The following PRKG1 variants were observed in gnomAD, a reference collection of about 807,000 sequenced individuals.
PRKG1 encodes protein kinase cGMP-dependent 1, also known as cGMP-dependent protein kinase 1.
In PRKG1, 35 loss-of-function variants were observed where a neutral mutation model predicts 88.1. The observed-to-expected ratio is 0.40, with a 90% CI of 0.30 to 0.53. PRKG1 has a LOEUF of 0.53. Ranked by LOEUF, PRKG1 falls within the 20% of genes least tolerant of loss-of-function variation. The pLI is 0.59. For synonymous variants in PRKG1, 303 were observed against 292.5 expected (o/e 1.04, Z -0.37); for missense variants, 540 against 839.8 (o/e 0.64, Z 4.41).
At chr10:51,602,917 A>C (rs1027159331) in intron 3 of PRKG1, among the ~76,000 whole-genome samples, 10 of 151,796 alleles carry the variant, frequency 6.6e-5, no homozygotes, top group East Asian at 1.9e-4. Context: ...CCCTCCCCCC[A>C]AAAAATTTTA....
chr10:51,969,265 C>A (rs1255273284), intron 5 of PRKG1, among the ~76,000 whole-genome samples: 1 of 152,142 alleles, frequency 6.6e-6, no homozygotes, highest in East Asian at 1.9e-4. Context: ...TCTTGTCAAT[C>A]CTGCCTTCAT....
intron 2 of PRKG1, among the ~76,000 whole-genome samples, chr10:51,226,958 G>A (rs900812728): frequency 6.6e-5 from 10 of 152,012 alleles, no homozygotes; most frequent in African/African-American, 1.7e-4. Flanking sequence ...CAAGCCCACC[G>A]ACCACTTGGT....
chr10:51,686,375 A>G (rs1427897702), intron 3 of PRKG1, among the ~76,000 whole-genome samples: 2 of 152,044 alleles, frequency 1.3e-5, no homozygotes, highest in African/African-American at 2.4e-5. Context: ...GCTCCCCCTT[A>G]TAAGTGAGAA....
At chr10:51,489,772 T>A (rs1352508351) in intron 3 of PRKG1, among the ~76,000 whole-genome samples, 1 of 152,046 alleles carries the variant, frequency 6.6e-6, no homozygotes, top group Non-Finnish European at 1.5e-5. Context: ...AATTGGATGA[T>A]GCTTAATAGG....
intron 9 of PRKG1, among the ~76,000 whole-genome samples, chr10:52,212,598 G>A (rs904973517): frequency 2.0e-5 from 3 of 151,466 alleles, no homozygotes. Flanking sequence ...TGGCTGTTGG[G>A]GGGAGAGGGG....
chr10:51,471,954 CCTT>C (rs1226276611), intron 3 of PRKG1, among the ~76,000 whole-genome samples: 3 of 151,814 alleles, frequency 2.0e-5, no homozygotes, highest in African/African-American at 7.3e-5. Flanking sequence ...AATTATTTCT[CCTT>C]AAATTGTTAA....
intron 3 of PRKG1, among the ~76,000 whole-genome samples, chr10:51,529,551 T>C (rs1841964435): frequency 6.6e-6 from 1 of 152,170 alleles, no homozygotes; most frequent in Non-Finnish European, 1.5e-5. Context: ...ATACTTGCCT[T>C]CCTTTCCAAA....
Position 51,205,137 on chromosome 10 carries a change from T to C in PRKG1, c.478+51807T>C, listed in dbSNP as rs1453827359. ...TTTTCATTTTCTTTTCTTTTTTTTT[T>C]TTTTTTTTTTTTTTTTTTTTGAGAC... On this transcript the variant is annotated intron_variant, in intron 2 of 17. Transcript: ENST00000373980. 1.1e-3 allele frequency among the ~76,000 whole-genome samples: 110 copies of C among 97,866 alleles called. 10 individuals are homozygous for C. The highest frequency in any genetic ancestry group is 3.6e-3 in the African/African-American group (67 of 18,442). The allele number at this position is 97,866 out of a possible 152,430, so 64.2% of individuals were successfully genotyped here.
chr10:52,032,179 T>C (rs1450963251), intron 5 of PRKG1, among the ~76,000 whole-genome samples: 1 of 152,218 alleles, frequency 6.6e-6, no homozygotes, highest in Non-Finnish European at 1.5e-5. Context: ...AGACTTCACT[T>C]CTCTGTTTGT....
intron 3 of PRKG1, among the ~76,000 whole-genome samples, chr10:51,608,370 A>G (rs774545006): frequency 5.3e-5 from 8 of 152,180 alleles, no homozygotes; most frequent in Non-Finnish European, 8.8e-5. Flanking sequence ...GCCAGAGTGT[A>G]GAGATTATTG....
chr10:51,583,072 TA>T (rs1838084083), intron 3 of PRKG1, among the ~76,000 whole-genome samples: 1 of 152,170 alleles, frequency 6.6e-6, no homozygotes, highest in Non-Finnish European at 1.5e-5. Context: ...TTGTCATATG[TA>T]AAATACTTTA....
intron 8 of PRKG1, among the ~76,000 whole-genome samples, chr10:52,138,653 T>C (rs1837493151): frequency 6.6e-6 from 1 of 152,112 alleles, no homozygotes; most frequent in African/African-American, 2.4e-5. Flanking sequence ...GTTTTGTTAT[T>C]GGGACAGTCT....
At chr10:51,264,728 G>C (rs7903707) in intron 2 of PRKG1, among the ~76,000 whole-genome samples, 1,933 of 152,214 alleles carry the variant, frequency 0.013, 37 homozygotes, top group African/African-American at 0.043. Flanking sequence ...AAGGAAATAT[G>C]ACTTTAAACA....
chr10:51,507,035 G>A (rs1841231806), intron 3 of PRKG1, among the ~76,000 whole-genome samples: 1 of 151,790 alleles, frequency 6.6e-6, no homozygotes, highest in African/African-American at 2.4e-5. Context: ...ATCATTCTCA[G>A]CAAACTAGTG....
chr10:52,009,926 A>G (rs1404935238), intron 5 of PRKG1, among the ~76,000 whole-genome samples: 1 of 152,082 alleles, frequency 6.6e-6, no homozygotes, highest in East Asian at 1.9e-4. Flanking sequence ...TGGGGAAAGG[A>G]CTCCCTATTC....
intron 7 of PRKG1, among the ~76,000 whole-genome samples, chr10:52,088,447 A>G (rs1281929811): frequency 6.6e-6 from 1 of 152,068 alleles, no homozygotes; most frequent in African/African-American, 2.4e-5. Flanking sequence ...TTCAAAATCC[A>G]TGTTGAAACT....
intron 8 of PRKG1, among the ~76,000 whole-genome samples, chr10:52,134,642 T>A (rs1382091623): frequency 6.6e-6 from 1 of 152,164 alleles, no homozygotes; most frequent in Non-Finnish European, 1.5e-5. Context: ...AATAGCCAAG[T>A]ACATGACCCA....
intron 6 of PRKG1, among the ~76,000 whole-genome samples, chr10:52,060,567 T>C (rs1355576733): frequency 6.6e-6 from 1 of 151,698 alleles, no homozygotes; most frequent in Non-Finnish European, 1.5e-5. Flanking sequence ...GAAAATAAGA[T>C]GATAAAATCT....
At chr10:51,366,803 CAA>C (rs1842599319) in intron 2 of PRKG1, among the ~76,000 whole-genome samples, 3 of 151,928 alleles carry the variant, frequency 2.0e-5, no homozygotes, top group Middle Eastern at 3.4e-3. Flanking sequence ...TGTTCTGAAT[CAA>C]GTCTCTCATT....
Sources: allele counts gnomAD v4.1 joint callset (sites outside exome capture counted in the v4.1 genomes callset), GRCh38; gene constraint gnomAD v4.1.1; transcripts MANE v1.5; gene names NCBI Gene and HGNC (gene_info 2026-07-23, HGNC 2026-07-21).